SUN5: variants seen among roughly 807,000 people sequenced by gnomAD.
The protein encoded by SUN5 is SUN domain-containing protein 5.
A neutral mutation model predicts 53.7 loss-of-function variants in SUN5; 44 were observed. That is an observed-to-expected ratio of 0.82 (90% CI 0.64 to 1.05). SUN5 has a LOEUF of 1.05. Ranked by LOEUF, SUN5 falls within the 50% of genes least tolerant of loss-of-function variation. SUN5 has a pLI of 0.00. For missense variants in SUN5, 433 were observed against 483.8 expected, an observed-to-expected ratio of 0.90 and a Z score of 0.98; for synonymous variants, 166 against 179.8, an observed-to-expected ratio of 0.92 and a Z score of 0.62.
intron 3 of SUN5, among the ~76,000 whole-genome samples, chr20:33,002,157 T>A (rs560172549): frequency 1.0e-5 from 1 of 99,858 alleles, no homozygotes; most frequent in Non-Finnish European, 2.0e-5. Context: ...AAGAAGGGAA[T>A]GGCTGTCTGG....
At chr20:33,001,546 CTTTCTTTCTTTCTTTCT>C (rs1990022738) in intron 3 of SUN5, among the ~76,000 whole-genome samples, 3 of 137,122 alleles carry the variant, frequency 2.2e-5, no homozygotes, top group African/African-American at 1.0e-4. Context: ...TTCTTTCTTT[CTTTCTTTCTTTCTTTCT>C]TTTCTTCCTT....
At chr20:33,003,908 C>CT (rs2146343553) in intron 1 of SUN5, among the ~76,000 whole-genome samples, 1 of 150,220 alleles carries the variant, frequency 6.7e-6, no homozygotes, top group Non-Finnish European at 1.5e-5. Flanking sequence ...CAGAGGCTTT[C>CT]TGACAGATAA....
chr20:32,989,543 C>G, intron 9 of SUN5, 77 bp downstream of exon 9: 1 of 1,297,670 alleles, frequency 7.7e-7, no homozygotes, highest in African/African-American at 1.5e-5. Context: ...AGTACCACAC[C>G]AGAACTGAAA....
At chr20:32,984,495 A>G (rs1989479787) in intron 12 of SUN5, among the ~76,000 whole-genome samples, 2 of 152,184 alleles carry the variant, frequency 1.3e-5, no homozygotes, top group Admixed American at 1.3e-4. Flanking sequence ...GCCTTCACTG[A>G]ATGTTTTCAA....
chr20:33,003,239 G>A (rs972240541), intron 1 of SUN5, among the ~76,000 whole-genome samples: 20 of 152,124 alleles, frequency 1.3e-4, no homozygotes, highest in East Asian at 3.9e-4. Context: ...GCCTGCTGTC[G>A]TGCTCCCATT....
intron 10 of SUN5, among the ~76,000 whole-genome samples, chr20:32,987,074 A>C (rs1390266375): frequency 6.6e-6 from 1 of 152,232 alleles, no homozygotes; most frequent in Non-Finnish European, 1.5e-5. Context: ...TGACACTCTC[A>C]GCCAGTGTTC....
At chr20:32,990,566 C>T (rs1478705741) in intron 8 of SUN5, among the ~76,000 whole-genome samples, 2 of 152,206 alleles carry the variant, frequency 1.3e-5, no homozygotes, top group African/African-American at 4.8e-5. Flanking sequence ...AATGATACAG[C>T]ACTGCCTGGT....
intron 8 of SUN5, among the ~76,000 whole-genome samples, chr20:32,990,600 A>G (rs1278129501): frequency 6.6e-6 from 1 of 152,194 alleles, no homozygotes; most frequent in Non-Finnish European, 1.5e-5. Flanking sequence ...CCACTCCTGG[A>G]GGCCAGCTGC....
At chr20:33,001,178 C>T (rs1398951587) in intron 4 of SUN5, 34 bp downstream of exon 4, 2 of 1,556,790 alleles carry the variant, frequency 1.3e-6, no homozygotes, top group South Asian at 1.2e-5. Flanking sequence ...ATTTCCCACT[C>T]CCCATCCACC....
Position 32,983,934 on chromosome 20 carries a change from C to A in SUN5, c.1000G>T (p.Ala334Ser). 1 of 1,585,810 alleles carries A rather than the reference C, an allele frequency of 6.3e-7. No homozygotes were observed. Among genetic ancestry groups the A allele is most frequent in the Non-Finnish European group, 8.6e-7 (1 of 1,165,860 alleles). The change falls in exon 13 of 13, where the codon GCT (alanine) becomes TCT (serine). Residue 334 changes from alanine (A) to serine (S), a missense_variant. By Grantham distance (99) the Ala-to-Ser change is moderately conservative (BLOSUM62 1). Transcript: ENST00000356173. Reference protein sequence around the residue: ...MFPLQNQPARAFSAVKVKISS... With the variant: ...MFPLQNQPARSFSAVKVKISS... ...ATCTTCACCTTGACCGCACTGAAAG[C>A]CCGGGCCGGCTGGTTCTGGAAGAGA...
chr20:32,987,699 C>A lies in SUN5; in HGVS notation c.690G>T (p.Gln230His), dbSNP rs1568963107. Reference sequence around the variant, plus strand: ...CTGGGGGCTGTGCGTAGTTCCACAGCTGGATCCAGTTCCAGTAGGAGTGGG... The same window carrying A: ...CTGGGGGCTGTGCGTAGTTCCACAGATGGATCCAGTTCCAGTAGGAGTGGG... ...EKAHSYWNWI[Q>H]LWNYAQPPDV... The change falls in exon 10 of 13, where the codon CAG becomes CAT. Residue 230 changes from glutamine (Q) to histidine (H), a missense_variant. Coordinates refer to ENST00000356173, the MANE Select transcript of SUN5 (RefSeq NM_080675.4). 1 of 1,613,308 alleles carries A rather than the reference C, an allele frequency of 6.2e-7. No homozygotes were observed. The highest frequency in any genetic ancestry group is 1.6e-4 in the Middle Eastern group (1 of 6,062).
chr20:32,988,105 CG>C (rs1989597838), intron 9 of SUN5, among the ~76,000 whole-genome samples: 1 of 152,080 alleles, frequency 6.6e-6, no homozygotes, highest in South Asian at 2.1e-4. Context: ...GTGGTGGCAA[CG>C]GCCCCCACGT....
intron 8 of SUN5, among the ~76,000 whole-genome samples, chr20:32,989,922 T>A (rs1369043060): frequency 6.6e-6 from 1 of 152,110 alleles, no homozygotes; most frequent in Non-Finnish European, 1.5e-5. Flanking sequence ...TGACCAGATG[T>A]CATATGGAGG....
intron 6 of SUN5, 76 bp downstream of exon 6, chr20:32,997,562 T>G: frequency 6.6e-7 from 1 of 1,526,118 alleles, no homozygotes; most frequent in Non-Finnish European, 9.0e-7. Flanking sequence ...TGAGAATGAA[T>G]GGAGCTGTGG....
chr20:32,995,986 C>T (rs1229604195), intron 7 of SUN5, among the ~76,000 whole-genome samples: 1 of 152,094 alleles, frequency 6.6e-6, no homozygotes, highest in South Asian at 2.1e-4. Context: ...AAGGATGCTG[C>T]CATCAGGTGG....
chr20:32,997,788 T>G, intron 5 of SUN5, 101 bp from the exon 6 acceptor site: 1 of 1,261,508 alleles, frequency 7.9e-7, no homozygotes, highest in Admixed American at 1.9e-5. Flanking sequence ...GCTATGCCAC[T>G]TGCCAGCATT....
Position 32,985,248 on chromosome 20 carries a change from C to T in SUN5, c.898-63G>A, listed in dbSNP as rs543697544. 28 of 1,477,760 alleles carry T rather than the reference C, an allele frequency of 1.9e-5. No individual in the cohort carries two copies. In the South Asian group the frequency reaches 2.8e-4, roughly 15 times the overall value. The allele number at this position is 1,477,760 out of a possible 1,614,324, so 91.5% of individuals were successfully genotyped here. On this transcript the variant is annotated intron_variant, in intron 11 of 12. Coordinates refer to ENST00000356173, the MANE Select transcript of SUN5 (RefSeq NM_080675.4). ...AGCAGGGCCCTCAGAGGGTGTCTCCCCTCTCCAGTGGAGACTTGCACACTC... is the reference window on the plus strand; with the variant it reads ...AGCAGGGCCCTCAGAGGGTGTCTCCTCTCTCCAGTGGAGACTTGCACACTC...
intron 9 of SUN5, among the ~76,000 whole-genome samples, chr20:32,988,336 C>G (rs1021770780): frequency 6.6e-6 from 1 of 152,114 alleles, no homozygotes; most frequent in Non-Finnish European, 1.5e-5. Context: ...TGGGGGTGCC[C>G]GAGTTGGAGG....
At position 32,985,828 on chromosome 20, in the gene SUN5, C is replaced by T. The variant is rs749701900; in HGVS notation, c.805G>A (p.Val269Ile). 2 of 1,614,132 alleles carry T rather than the reference C, an allele frequency of 1.2e-6. No homozygotes were observed. Among genetic ancestry groups the T allele is most frequent in the Non-Finnish European group, 1.7e-6 (2 of 1,179,988 alleles). Residue 269 changes from valine to isoleucine, a missense_variant, in exon 11 of 13, where the codon GTT becomes ATT. By Grantham distance (29) the Val-to-Ile change is conservative. Transcript: ENST00000356173. ...GQVTIQLAQK[V>I]YLSNLTLQHI... is the part of the protein sequence containing the mutation. ...TGCAGCGTGAGGTTGGACAGGTAAA[C>T]CTTCTGAGCCAATTGGATGGTCACC...
Sources: allele counts gnomAD v4.1 joint callset (sites outside exome capture counted in the v4.1 genomes callset), GRCh38; gene constraint gnomAD v4.1.1; transcripts MANE v1.5; gene names NCBI Gene and HGNC (gene_info 2026-07-23, HGNC 2026-07-21).